Variants in ITGB2 observed in about 807,000 individuals in gnomAD.
ITGB2 encodes the protein integrin beta-2.
In ITGB2, 56 loss-of-function variants were observed where a neutral mutation model predicts 86.8. That is an observed-to-expected ratio of 0.65 (90% confidence interval 0.52 to 0.81). The LOEUF is 0.81. Among genes scored for constraint, ITGB2 ranks in the 30% least tolerant of loss-of-function variants. The pLI, the probability that ITGB2 is intolerant of heterozygous loss-of-function variation, is 0.00. For synonymous variants in ITGB2, 457 were observed against 450.4 expected, an observed-to-expected ratio of 1.01 and a Z score of -0.19; for missense variants, 948 against 1,061.2, an observed-to-expected ratio of 0.89 and a Z score of 1.48.
At chr21:44,912,169 C>A (rs2084143573) in intron 1 of ITGB2, among the ~76,000 whole-genome samples, 1 of 152,228 alleles carries the variant, frequency 6.6e-6, no homozygotes, top group Non-Finnish European at 1.5e-5. Flanking sequence ...TGCCCCACAC[C>A]CTTCCCTCGG....
At chr21:44,887,380 G>T (rs759643465) in intron 14 of ITGB2, among the ~76,000 whole-genome samples, 5 of 152,126 alleles carry the variant, frequency 3.3e-5, no homozygotes, top group Admixed American at 6.5e-5. Flanking sequence ...GCAAGGTCCT[G>T]GTTCCCACGG....
chr21:44,908,770 C>T (rs890053086), intron 3 of ITGB2, among the ~76,000 whole-genome samples: 4 of 152,166 alleles, frequency 2.6e-5, no homozygotes, highest in Admixed American at 6.5e-5. Context: ...GAACCCGAGC[C>T]GTCAGAAAAC....
chr21:44,910,977 G>C, intron 1 of ITGB2, 192 bp from the exon 2 acceptor site: 1 of 615,578 alleles, frequency 1.6e-6, no homozygotes, highest in Non-Finnish European at 2.9e-6. Context: ...GGGATCCCGG[G>C]CTCAGCAGTG....
In ITGB2 at chr21:44,890,064, A is replaced by T. The variant is rs764061135; in HGVS notation, c.1571T>A (p.Val524Asp). The stretch of plus-strand genomic sequence containing the variant: ...CTGCCCGTATATCAGCTTGCCGGGG[A>T]CGTCGCTGGTGTGGCACAGGCACTG... ...CGQCLCHTSD[V>D]PGKLIYGQYC... Residue 524 changes from valine (V) to aspartate (D), a missense_variant, in exon 12 of 16, where the codon GTC becomes GAC. Transcript: ENST00000652462. 2 of 1,613,416 alleles carry T rather than the reference A, an allele frequency of 1.2e-6. No homozygotes were observed. Among genetic ancestry groups the T allele is most frequent in the Non-Finnish European group, 1.7e-6 (2 of 1,180,012 alleles).
At chr21:44,922,961 A>C (rs1326806601), upstream of ITGB2, 1 of 152,234 alleles carries the variant, frequency 6.6e-6, no homozygotes, top group Non-Finnish European at 1.5e-5. Flanking sequence ...ATACCATTCT[A>C]CTACACCCGC....
rs760094110 is a variant in ITGB2 at position 44,889,403 on chromosome 21, T to G, written c.1750A>C (p.Asn584His). The G allele has an allele frequency of 6.2e-7, 1 of 1,612,594 alleles. No homozygotes were observed. The highest frequency in any genetic ancestry group is 1.1e-5 in the South Asian group (1 of 91,006). Residue 584 changes from asparagine to histidine, a missense_variant, in exon 13 of 16, where the codon AAC becomes CAC. Coordinates refer to ENST00000652462, the MANE Select transcript of ITGB2 (RefSeq NM_000211.5). ...CCACTACACTCAACACGCCGCGGGT[T>G]CAGGCAGCCCTCAGTGGTCCTCTCG... is the stretch of plus-strand genomic sequence containing the variant. ...QCERTTEGCL[N>H]PRRVECSGRG...
At chr21:44,888,316 C>T (rs2083728253) in intron 14 of ITGB2, among the ~76,000 whole-genome samples, 1 of 150,744 alleles carries the variant, frequency 6.6e-6, no homozygotes. Context: ...ACGCAGCAAC[C>T]TGACCGCGGG....
chr21:44,894,877 C>A, intron 9 of ITGB2, 94 bp downstream of exon 9: 4 of 920,154 alleles, frequency 4.3e-6, no homozygotes, highest in Non-Finnish European at 7.2e-6. Context: ...TCCTCCCAGA[C>A]CACCCTCCTG....
At chr21:44,916,697 A>G (rs77035399) in intron 1 of ITGB2, among the ~76,000 whole-genome samples, 4,586 of 151,910 alleles carry the variant, frequency 0.03, 102 homozygotes, top group Non-Finnish European at 0.046. Flanking sequence ...GTGAAACCCC[A>G]TCTCTACTAA....
chr21:44,922,200 G>A (rs1341279326), upstream of ITGB2, among the ~76,000 whole-genome samples: 1 of 152,146 alleles, frequency 6.6e-6, no homozygotes, highest in African/African-American at 2.4e-5. Context: ...ACGCCTAGAG[G>A]ACTGGGTTGG....
intron 1 of ITGB2, among the ~76,000 whole-genome samples, chr21:44,918,997 A>C (rs952072055): frequency 2.3e-5 from 1 of 44,012 alleles, no homozygotes; most frequent in African/African-American, 2.4e-4. Context: ...GGAGCTGAGC[A>C]TTCCCCTCTC....
intron 1 of ITGB2, among the ~76,000 whole-genome samples, chr21:44,919,140 G>A (rs1366703350): frequency 6.6e-6 from 1 of 152,174 alleles, no homozygotes; most frequent in Non-Finnish European, 1.5e-5. Flanking sequence ...CTTCACCGAG[G>A]GCCACAGCCC....
Position 44,916,437 on chromosome 21 carries a change from G to C in ITGB2, c.-4+4384C>G, listed in dbSNP as rs142869795. Among the ~76,000 whole-genome samples, 43 of 152,268 alleles carry C rather than the reference G, an allele frequency of 2.8e-4. 1 individual carries two copies. The highest frequency in any genetic ancestry group is 9.4e-4 in the African/African-American group (39 of 41,544). On this transcript the variant is annotated intron_variant, in intron 1 of 15. Transcript: ENST00000652462. ...AGACTGTCTGTTCCTGGGTGGCGAC[G>C]TGAGGCCGAGGCCCCGGACACTCTT... is the stretch of plus-strand genomic sequence containing the variant.
intron 3 of ITGB2, 56 bp from the exon 4 acceptor site, chr21:44,907,151 G>T: frequency 7.2e-7 from 1 of 1,380,108 alleles, no homozygotes; most frequent in Non-Finnish European, 1.0e-6. Flanking sequence ...CCTGCAGGAG[G>T]CTGACTGGCC....
intron 1 of ITGB2, among the ~76,000 whole-genome samples, chr21:44,918,645 A>G (rs1440667601): frequency 6.6e-6 from 1 of 152,084 alleles, no homozygotes; most frequent in African/African-American, 2.4e-5. Flanking sequence ...AACTTCCTTC[A>G]TGGGCACCTC....
chr21:44,899,521 C>T (rs2083917209), intron 7 of ITGB2, among the ~76,000 whole-genome samples: 1 of 151,678 alleles, frequency 6.6e-6, no homozygotes, highest in Admixed American at 6.6e-5. Flanking sequence ...AGGTGCGGCT[C>T]TCCCTACCCG....
At chr21:44,909,139 T>A (rs2084090693) in intron 3 of ITGB2, among the ~76,000 whole-genome samples, 1 of 152,192 alleles carries the variant, frequency 6.6e-6, no homozygotes, top group Non-Finnish European at 1.5e-5. Context: ...CGGGTGCGAT[T>A]TGATGAGGGC....
rs142755668 is a variant in ITGB2, at chr21:44,905,276, G to C, written c.328+1639C>G. 7.0e-3 allele frequency among the ~76,000 whole-genome samples: 1,068 copies of C among 152,234 alleles called. 6 individuals are homozygous for C. The highest frequency in any genetic ancestry group is 0.015 in the Admixed American group (233 of 15,308). The stretch of plus-strand genomic sequence containing the variant: ...TGGGAGCCTGTGGCCCTGGGGTGCT[G>C]TTAAGATCTCTCCCTGGTGCTCACC... On this transcript the variant is annotated intron_variant, in intron 4 of 15. Transcript: ENST00000652462.
intron 7 of ITGB2, among the ~76,000 whole-genome samples, chr21:44,899,566 T>C (rs1474285008): frequency 6.6e-6 from 1 of 152,216 alleles, no homozygotes; most frequent in Non-Finnish European, 1.5e-5. Context: ...CTCCCGTCTG[T>C]GGCTCCCGGC....
Sources: allele counts gnomAD v4.1 joint callset (sites outside exome capture counted in the v4.1 genomes callset), GRCh38; gene constraint gnomAD v4.1.1; transcripts MANE v1.5; gene names NCBI Gene and HGNC (gene_info 2026-07-23, HGNC 2026-07-21).